CCDC175: variants seen among roughly 807,000 people sequenced by gnomAD.
CCDC175 encodes the protein coiled-coil domain containing 175.
A neutral mutation model predicts 114.6 loss-of-function variants in CCDC175; 100 were observed. That is an observed-to-expected ratio of 0.87 (90% confidence interval 0.74 to 1.03). The LOEUF (loss-of-function observed/expected upper bound fraction) is 1.03. Ranked by LOEUF, CCDC175 falls within the 50% of genes least tolerant of loss-of-function variation. The pLI, the probability that CCDC175 is intolerant of heterozygous loss-of-function variation, is 0.00. For synonymous variants in CCDC175, 306 were observed against 308.7 expected, an observed-to-expected ratio of 0.99 and a Z score of 0.09; for missense variants, 880 against 917.8, an observed-to-expected ratio of 0.96 and a Z score of 0.53.
At chr14:59,550,618 C>G (rs1157152130) in intron 8 of CCDC175, among the ~76,000 whole-genome samples, 1 of 152,042 alleles carries the variant, frequency 6.6e-6, no homozygotes, top group Non-Finnish European at 1.5e-5. Flanking sequence ...CAAGGTCCCA[C>G]AATAGGCCAT....
At chr14:59,554,741 A>G (rs1895766854) in intron 7 of CCDC175, among the ~76,000 whole-genome samples, 1 of 149,486 alleles carries the variant, frequency 6.7e-6, no homozygotes, top group South Asian at 2.1e-4. Context: ...AGAAGAAAAG[A>G]GAGAAGAATC....
At chr14:59,550,726 A>T (rs867424903) in intron 8 of CCDC175, among the ~76,000 whole-genome samples, 1 of 152,176 alleles carries the variant, frequency 6.6e-6, no homozygotes, top group Non-Finnish European at 1.5e-5. Context: ...TGGGAGAAAG[A>T]TGTAGTCTGG....
intron 5 of CCDC175, among the ~76,000 whole-genome samples, chr14:59,564,704 C>T (rs1027474896): frequency 3.3e-5 from 5 of 152,156 alleles, no homozygotes; most frequent in Non-Finnish European, 4.4e-5. Flanking sequence ...ATACCCTAGT[C>T]CTGTCCATAC....
intron 16 of CCDC175, 135 bp from the exon 17 acceptor site, chr14:59,521,811 G>A (rs529339067): frequency 1.4e-3 from 754 of 545,872 alleles, no homozygotes; most frequent in Non-Finnish European, 2.2e-3. Flanking sequence ...TAACAGTGGG[G>A]AATAAAACAT....
intron 6 of CCDC175, among the ~76,000 whole-genome samples, chr14:59,562,449 T>C (rs6573270): frequency 0.58 from 88,174 of 152,102 alleles, 26,622 homozygotes; most frequent in East Asian, 0.83. Context: ...TTTACAAAAA[T>C]GCTCTGCAGT....
intron 6 of CCDC175, among the ~76,000 whole-genome samples, chr14:59,561,687 A>G (rs1228257826): frequency 6.6e-6 from 1 of 152,226 alleles, no homozygotes; most frequent in Admixed American, 6.5e-5. Flanking sequence ...ATATTTAATC[A>G]AAATTTAGGA....
At chr14:59,571,394 A>G (rs2140130731) in intron 3 of CCDC175, among the ~76,000 whole-genome samples, 1 of 152,336 alleles carries the variant, frequency 6.6e-6, no homozygotes, top group South Asian at 2.1e-4. Context: ...AGAATACATA[A>G]AGAACTCCTA....
At chr14:59,553,936 C>T (rs866541110) in intron 7 of CCDC175, among the ~76,000 whole-genome samples, 20 of 152,136 alleles carry the variant, frequency 1.3e-4, no homozygotes, top group Non-Finnish European at 2.6e-4. Flanking sequence ...ATATATGCAC[C>T]CAATACAGGA....
At chr14:59,521,540 C>A (rs772702636) in intron 17 of CCDC175, 34 bp downstream of exon 17, 3 of 1,202,332 alleles carry the variant, frequency 2.5e-6, no homozygotes, top group Admixed American at 2.0e-5. Context: ...CGCTAAAGAA[C>A]CCTGACTAAT....
intron 13 of CCDC175, among the ~76,000 whole-genome samples, chr14:59,534,111 G>A (rs1171287537): frequency 6.6e-6 from 1 of 151,980 alleles, no homozygotes; most frequent in Non-Finnish European, 1.5e-5. Flanking sequence ...CCTGTATGCA[G>A]CTCAGGTTCC....
intron 13 of CCDC175, among the ~76,000 whole-genome samples, chr14:59,534,123 A>T (rs1857415192): frequency 6.6e-6 from 1 of 152,080 alleles, no homozygotes; most frequent in Non-Finnish European, 1.5e-5. Context: ...TCAGGTTCCC[A>T]GGGCTGCTGT....
At chr14:59,553,647 C>T (rs2140081403) in intron 7 of CCDC175, among the ~76,000 whole-genome samples, 1 of 152,240 alleles carries the variant, frequency 6.6e-6, no homozygotes, top group East Asian at 1.9e-4. Context: ...GCTAAATGCT[C>T]CAATTAAAAG....
intron 6 of CCDC175, among the ~76,000 whole-genome samples, chr14:59,563,338 A>G (rs1366905957): frequency 1.3e-5 from 2 of 152,190 alleles, no homozygotes; most frequent in East Asian, 1.9e-4. Context: ...GCTGTACTCA[A>G]TAGAGAGCCT....
At chr14:59,554,902 G>A (rs971616022) in intron 7 of CCDC175, among the ~76,000 whole-genome samples, 6 of 151,994 alleles carry the variant, frequency 3.9e-5, no homozygotes, top group Middle Eastern at 3.4e-3. Flanking sequence ...TACACCCTCC[G>A]AAGACTAAAC....
intron 3 of CCDC175, among the ~76,000 whole-genome samples, chr14:59,569,223 C>T (rs1038008583): frequency 2.0e-5 from 3 of 152,176 alleles, no homozygotes; most frequent in African/African-American, 7.2e-5. Flanking sequence ...CCTGAGAGAG[C>T]TAGGACATTT....
At chr14:59,537,918 G>T in intron 13 of CCDC175, 105 bp downstream of exon 13, 1 of 720,826 alleles carries the variant, frequency 1.4e-6, no homozygotes. Flanking sequence ...TTTCATACTA[G>T]AATATTTATT....
intron 13 of CCDC175, among the ~76,000 whole-genome samples, chr14:59,537,470 C>T (rs545871280): frequency 6.6e-6 from 1 of 152,282 alleles, no homozygotes; most frequent in South Asian, 2.1e-4. Flanking sequence ...AGGCTTCTAC[C>T]ACCATCCCTG....
At chr14:59,568,108 G>T in intron 4 of CCDC175, 137 bp downstream of exon 4, 1 of 776,064 alleles carries the variant, frequency 1.3e-6, no homozygotes, top group Non-Finnish European at 1.9e-6. Context: ...ATCAGCCTGG[G>T]CCATCTCCTA....
chr14:59,556,792 A>C (rs1160895744), intron 7 of CCDC175, among the ~76,000 whole-genome samples: 4 of 152,242 alleles, frequency 2.6e-5, no homozygotes, highest in African/African-American at 9.6e-5. Context: ...AACACCATCA[A>C]AAAGTGGGCA....
Sources: allele counts gnomAD v4.1 joint callset (sites outside exome capture counted in the v4.1 genomes callset), GRCh38; gene constraint gnomAD v4.1.1; transcripts MANE v1.5; gene names NCBI Gene and HGNC (gene_info 2026-07-23, HGNC 2026-07-21).